The following INSR variants were observed in gnomAD, a reference collection of about 807,000 sequenced individuals.
INSR encodes insulin receptor, also known as IR.
INSR carries 67 observed loss-of-function variants against 142.6 expected under a neutral mutation model. That is an observed-to-expected ratio of 0.47 (90% CI 0.39 to 0.58). INSR has a LOEUF of 0.58. INSR is among the 20% of genes least tolerant of loss of function. The pLI is 0.00. For missense variants in INSR, 1,248 were observed against 1,833.2 expected (o/e 0.68, Z 5.83); for synonymous variants, 756 against 743.1 (o/e 1.02, Z -0.28).
intron 2 of INSR, among the ~76,000 whole-genome samples, chr19:7,249,269 C>T (rs1238674574): frequency 6.6e-6 from 1 of 152,154 alleles, no homozygotes; most frequent in African/African-American, 2.4e-5. Context: ...ATTCCATCTT[C>T]TTTACCACCA....
chr19:7,294,257 G>A lies in INSR; in HGVS notation c.-366C>T, dbSNP rs1968580133. Among the ~76,000 whole-genome samples the A allele has an allele frequency of 1.3e-5, 2 of 150,452 alleles. No homozygotes were observed. Among genetic ancestry groups the A allele is most frequent in the Admixed American group, 1.3e-4 (2 of 15,152 alleles). On this transcript the variant is annotated 5_prime_UTR_variant, in exon 1 of 22. Transcript: ENST00000302850. ...GTCGCGATCTGCGGGCTCCGGGACA[G>A]AGGGACGCGCGGACCGACGGACTAG... is the stretch of plus-strand genomic sequence containing the variant.
At chr19:7,173,848 C>T (rs1235860793) in intron 4 of INSR, among the ~76,000 whole-genome samples, 3 of 151,994 alleles carry the variant, frequency 2.0e-5, no homozygotes, top group Admixed American at 6.6e-5. Flanking sequence ...TCTTAAACTT[C>T]TCACCTCACG....
At chr19:7,190,943 T>G (rs567499679) in intron 2 of INSR, among the ~76,000 whole-genome samples, 1 of 152,220 alleles carries the variant, frequency 6.6e-6, no homozygotes, top group South Asian at 2.1e-4. Context: ...TAAACAGATA[T>G]CAAAACATCA....
chr19:7,227,689 G>A (rs780449995), intron 2 of INSR, among the ~76,000 whole-genome samples: 7 of 152,160 alleles, frequency 4.6e-5, no homozygotes, highest in East Asian at 1.9e-4. Flanking sequence ...AAGAGGACCC[G>A]GCTATTGCAG....
chr19:7,239,968 T>G (rs935432110), intron 2 of INSR, among the ~76,000 whole-genome samples: 1 of 152,204 alleles, frequency 6.6e-6, no homozygotes, highest in African/African-American at 2.4e-5. Context: ...GGAGTCTCAC[T>G]CTGTCGCCCA....
chr19:7,221,282 G>A (rs1015954047), intron 2 of INSR, among the ~76,000 whole-genome samples: 8 of 152,088 alleles, frequency 5.3e-5, no homozygotes, highest in African/African-American at 1.9e-4. Flanking sequence ...GCTGAAGTGG[G>A]AGAATCTCTT....
At chr19:7,251,767 T>C (rs540075859) in intron 2 of INSR, among the ~76,000 whole-genome samples, 4 of 152,110 alleles carry the variant, frequency 2.6e-5, no homozygotes, top group African/African-American at 7.2e-5. Context: ...CAACCAGAGT[T>C]AGGGATTATA....
Position 7,126,646 on chromosome 19 carries a change from G to A in INSR, c.2951C>T (p.Pro984Leu). Residue 984 changes from proline to leucine, a missense_variant, in exon 16 of 22, where the codon CCA (proline) becomes CTA (leucine). This residue lies in a region of INSR where 1,069 missense variants were observed against 1,654.0 expected (regional missense o/e 0.65). Coordinates refer to ENST00000302850, the MANE Select transcript of INSR (RefSeq NM_000208.4). ...SIYLFLRKRQPDGPLGPLYAS... is the reference protein window; with the variant it reads ...SIYLFLRKRQLDGPLGPLYAS... The stretch of plus-strand genomic sequence containing the variant: ...GTAAAGCGGTCCCAGCGGCCCATCT[G>A]GCTGCCTGGAGGAGGAAAACGAGGC... 6.4e-7 allele frequency: 1 copy of A among 1,564,386 alleles called. No individual in the cohort carries two copies. The highest frequency in any genetic ancestry group is 8.7e-7 in the Non-Finnish European group (1 of 1,152,830).
intron 2 of INSR, among the ~76,000 whole-genome samples, chr19:7,239,637 G>T (rs1186366819): frequency 6.6e-6 from 1 of 152,032 alleles, no homozygotes; most frequent in African/African-American, 2.4e-5. Flanking sequence ...GGAGGAGATG[G>T]ACACCAAGAT....
chr19:7,197,838 G>GAGTGAGAA (rs1555750099), intron 2 of INSR, among the ~76,000 whole-genome samples: 2 of 100,424 alleles, frequency 2.0e-5, no homozygotes, highest in Non-Finnish European at 4.1e-5. Flanking sequence ...GAGAGAACGA[G>GAGTGAGAA]AGAGAGAGAG....
chr19:7,149,542 C>A (rs1221895858), intron 11 of INSR, among the ~76,000 whole-genome samples: 1 of 152,086 alleles, frequency 6.6e-6, no homozygotes, highest in Non-Finnish European at 1.5e-5. Context: ...ACGTCCCTGG[C>A]CAGGGGCGGT....
intron 2 of INSR, among the ~76,000 whole-genome samples, chr19:7,252,987 C>T (rs895197294): frequency 1.7e-4 from 26 of 151,850 alleles, no homozygotes; most frequent in East Asian, 5.8e-4. Context: ...TGGTGGCGGG[C>T]GCCTGTAGTC....
At chr19:7,144,808 G>C (rs1599899866) in intron 11 of INSR, among the ~76,000 whole-genome samples, 1 of 151,850 alleles carries the variant, frequency 6.6e-6, no homozygotes. Context: ...CTAGGTTCAG[G>C]GAGATAAGAA....
chr19:7,138,165 C>T (rs1972985396), intron 13 of INSR, among the ~76,000 whole-genome samples: 1 of 151,230 alleles, frequency 6.6e-6, no homozygotes, highest in African/African-American at 2.4e-5. Flanking sequence ...GGGGTTTCAC[C>T]GTGTTAGCCA....
At chr19:7,170,832 G>T (rs1974000945) in intron 5 of INSR, 81 bp from the exon 6 acceptor site, 2 of 1,120,338 alleles carry the variant, frequency 1.8e-6, no homozygotes, top group Admixed American at 1.7e-5. Context: ...GCTCGGAGTT[G>T]ATCTTGTTCA....
intron 2 of INSR, among the ~76,000 whole-genome samples, chr19:7,185,251 C>CAT: frequency 6.7e-6 from 1 of 148,924 alleles, no homozygotes; most frequent in East Asian, 1.9e-4. Flanking sequence ...CTATGTTTAA[C>CAT]AAATGGCTCA....
At chr19:7,187,338 C>T (rs892187072) in intron 2 of INSR, among the ~76,000 whole-genome samples, 1 of 151,628 alleles carries the variant, frequency 6.6e-6, no homozygotes, top group African/African-American at 2.4e-5. Flanking sequence ...CACCCTGGCC[C>T]CCCAAAGTAC....
At chr19:7,277,232 A>C (rs1457356297) in intron 1 of INSR, among the ~76,000 whole-genome samples, 1 of 152,146 alleles carries the variant, frequency 6.6e-6, no homozygotes, top group African/African-American at 2.4e-5. Flanking sequence ...GCCTGCAAGA[A>C]TAGCTTTCAA....
intron 2 of INSR, among the ~76,000 whole-genome samples, chr19:7,252,872 C>T (rs1434313407): frequency 1.3e-5 from 2 of 151,896 alleles, no homozygotes; most frequent in African/African-American, 4.9e-5. Context: ...TCCCAGCACC[C>T]TGGGAGGCCA....
Sources: allele counts gnomAD v4.1 joint callset (sites outside exome capture counted in the v4.1 genomes callset), GRCh38; gene constraint gnomAD v4.1.1; regional missense constraint gnomAD v4.1.1; transcripts MANE v1.5; gene names NCBI Gene and HGNC (gene_info 2026-07-23, HGNC 2026-07-21).